CHSY3: variants seen among roughly 807,000 people sequenced by gnomAD.
CHSY3 encodes N-acetylgalactosaminyl-proteoglycan 3-beta-glucuronosyltransferase 3.
In CHSY3, 35 loss-of-function variants were observed where a neutral mutation model predicts 67.2. The ratio of observed to expected loss-of-function variants is 0.52; its 90% CI spans 0.40 to 0.69. CHSY3 has a LOEUF of 0.69. Among genes scored for constraint, CHSY3 ranks in the 30% least tolerant of loss-of-function variants. CHSY3 has a pLI of 0.00. For synonymous variants in CHSY3, 474 were observed against 434.7 expected (o/e 1.09, Z -1.12); for missense variants, 1,069 against 1,138.5 (o/e 0.94, Z 0.88).
At chr5:130,091,036 T>C (rs1461517159) in intron 2 of CHSY3, among the ~76,000 whole-genome samples, 2 of 152,150 alleles carry the variant, frequency 1.3e-5, no homozygotes, top group Non-Finnish European at 2.9e-5. Context: ...ATGAATTATT[T>C]ATATCTCTTA....
At position 130,088,203 on chromosome 5, in the gene CHSY3, G is replaced by A. The variant is rs910695365; in HGVS notation, c.1087-96026G>A. On this transcript the variant is annotated intron_variant, in intron 2 of 2. Transcript: ENST00000305031. ...AAACTGGATCCCTTCCTTACACCTT[G>A]TACAAAAATTAATTCAAGATGGATT... 1.6e-4 allele frequency among the ~76,000 whole-genome samples: 25 copies of A among 151,956 alleles called. No homozygotes were observed. The East Asian group carries it at 2.3e-3, about 14-fold the overall frequency.
At chr5:130,127,125 T>C (rs1410031834) in intron 2 of CHSY3, among the ~76,000 whole-genome samples, 2 of 152,242 alleles carry the variant, frequency 1.3e-5, no homozygotes, top group Non-Finnish European at 2.9e-5. Context: ...TTTCCAAGTG[T>C]ATATTATCAA....
At chr5:130,171,418 A>G (rs1249133787) in intron 2 of CHSY3, among the ~76,000 whole-genome samples, 2 of 152,190 alleles carry the variant, frequency 1.3e-5, no homozygotes, top group Non-Finnish European at 2.9e-5. Context: ...TCATTATACC[A>G]TGATAAACAA....
intron 2 of CHSY3, among the ~76,000 whole-genome samples, chr5:130,103,238 G>T (rs1767304438): frequency 6.6e-6 from 1 of 151,932 alleles, no homozygotes; most frequent in Admixed American, 6.6e-5. Context: ...GGCCAAATTT[G>T]CAAGTTCTAT....
At chr5:129,963,316 A>G (rs1580587893) in intron 2 of CHSY3, among the ~76,000 whole-genome samples, 1 of 152,032 alleles carries the variant, frequency 6.6e-6, no homozygotes, top group East Asian at 1.9e-4. Context: ...TAGGGTAGGC[A>G]TGAGAAACAT....
chr5:129,964,345 T>A (rs1037572943), intron 2 of CHSY3, among the ~76,000 whole-genome samples: 17 of 151,896 alleles, frequency 1.1e-4, no homozygotes, highest in African/African-American at 4.1e-4. Flanking sequence ...CCTAGCATCT[T>A]CTGTTTCATC....
At chr5:130,050,447 G>T (rs1765304988) in intron 2 of CHSY3, among the ~76,000 whole-genome samples, 1 of 152,094 alleles carries the variant, frequency 6.6e-6, no homozygotes, top group Admixed American at 6.6e-5. Context: ...TTATGGTTAT[G>T]TCATGAAATC....
At chr5:130,001,662 T>A in intron 2 of CHSY3, 1 of 760,722 alleles carries the variant, frequency 1.3e-6, no homozygotes, top group Non-Finnish European at 1.6e-6. Context: ...TAGAGAGTAA[T>A]TTATAAGCCT....
At chr5:129,972,254 C>A (rs1381478210) in intron 2 of CHSY3, among the ~76,000 whole-genome samples, 1 of 151,988 alleles carries the variant, frequency 6.6e-6, no homozygotes, top group Non-Finnish European at 1.5e-5. Context: ...ATTTTCCACT[C>A]TGTCTAAATG....
chr5:130,178,263 T>A (rs1343957241), intron 2 of CHSY3, among the ~76,000 whole-genome samples: 1 of 122,144 alleles, frequency 8.2e-6, no homozygotes, highest in African/African-American at 3.2e-5. Flanking sequence ...ATTTTTTTTT[T>A]TTTTTTTCCT....
chr5:129,931,696 C>T (rs1417333934), intron 2 of CHSY3, among the ~76,000 whole-genome samples: 2 of 152,074 alleles, frequency 1.3e-5, no homozygotes, highest in African/African-American at 4.8e-5. Flanking sequence ...GCCTTTTCTT[C>T]AAGTGTTGGC....
intron 2 of CHSY3, among the ~76,000 whole-genome samples, chr5:130,167,999 G>C (rs1769796092): frequency 6.6e-6 from 1 of 152,064 alleles, no homozygotes; most frequent in African/African-American, 2.4e-5. Context: ...TCCTGGCCTG[G>C]AATAGACACA....
chr5:130,120,006 T>C (rs1767954616), intron 2 of CHSY3, among the ~76,000 whole-genome samples: 1 of 152,198 alleles, frequency 6.6e-6, no homozygotes, highest in African/African-American at 2.4e-5. Flanking sequence ...CCACATTCAC[T>C]TGCTATCCTC....
chr5:129,958,778 T>C (rs1274025288), intron 2 of CHSY3, among the ~76,000 whole-genome samples: 1 of 152,112 alleles, frequency 6.6e-6, no homozygotes, highest in African/African-American at 2.4e-5. Context: ...GTGATCCTCT[T>C]GTTTCAGCTA....
intron 2 of CHSY3, among the ~76,000 whole-genome samples, chr5:130,117,124 G>A (rs1214054689): frequency 6.6e-6 from 1 of 152,170 alleles, no homozygotes; most frequent in Non-Finnish European, 1.5e-5. Context: ...ACAGTGGTGT[G>A]AGGAGGAGCA....
chr5:129,924,203 C>T (rs1457976518), intron 2 of CHSY3, among the ~76,000 whole-genome samples: 11 of 151,850 alleles, frequency 7.2e-5, no homozygotes, highest in Non-Finnish European at 1.5e-4. Context: ...AGAGAGCTTC[C>T]CCCAACCCCC....
intron 2 of CHSY3, among the ~76,000 whole-genome samples, chr5:130,165,912 G>A (rs550166979): frequency 8.5e-5 from 13 of 152,098 alleles, no homozygotes; most frequent in African/African-American, 2.6e-4. Flanking sequence ...AATATATAAA[G>A]AATTGGAGAT....
At chr5:129,935,983 T>C (rs1023326055) in intron 2 of CHSY3, among the ~76,000 whole-genome samples, 1 of 152,150 alleles carries the variant, frequency 6.6e-6, no homozygotes, top group Non-Finnish European at 1.5e-5. Flanking sequence ...TGGCAAAATT[T>C]AACTCGGGCT....
chr5:129,922,873 C>T (rs1474994372), intron 2 of CHSY3, among the ~76,000 whole-genome samples: 3 of 152,090 alleles, frequency 2.0e-5, no homozygotes, highest in Non-Finnish European at 4.4e-5. Context: ...TGTCTAGAGC[C>T]GTGCCCATGC....
Sources: allele counts gnomAD v4.1 joint callset (sites outside exome capture counted in the v4.1 genomes callset), GRCh38; gene constraint gnomAD v4.1.1; transcripts MANE v1.5; gene names NCBI Gene and HGNC (gene_info 2026-07-23, HGNC 2026-07-21).